The following MICAL2 variants were observed in gnomAD, a reference collection of about 807,000 sequenced individuals.
MICAL2 encodes microtubule associated monooxygenase, calponin and LIM domain containing 2, also known as [F-actin]-monooxygenase MICAL2.
MICAL2 carries 77 observed loss-of-function variants against 127.3 expected under a neutral mutation model. The observed-to-expected ratio is 0.60, with a 90% CI of 0.50 to 0.73. MICAL2 has a LOEUF of 0.73. Ranked by LOEUF, MICAL2 falls within the 30% of genes least tolerant of loss-of-function variation. The pLI is 0.00. For synonymous variants in MICAL2, 570 were observed against 551.1 expected (o/e 1.03, Z -0.48); for missense variants, 1,351 against 1,434.4 (o/e 0.94, Z 0.94).
At chr11:12,342,099 TGAA>T (rs1938876815) in intron 32 of MICAL2, among the ~76,000 whole-genome samples, 1 of 152,202 alleles carries the variant, frequency 6.6e-6, no homozygotes, top group East Asian at 1.9e-4. Context: ...CAGGAGCAAT[TGAA>T]GAGCCAGTTG....
downstream of MICAL2, among the ~76,000 whole-genome samples, chr11:12,361,770 AT>A (rs914576551): frequency 1.3e-5 from 2 of 152,352 alleles, no homozygotes; most frequent in Admixed American, 6.5e-5. Flanking sequence ...CAGGAAGCAG[AT>A]TTACAGGCTT....
At chr11:12,230,501 C>T (rs985307897) in intron 15 of MICAL2, among the ~76,000 whole-genome samples, 1 of 152,178 alleles carries the variant, frequency 6.6e-6, no homozygotes, top group African/African-American at 2.4e-5. Flanking sequence ...AATATCTGTA[C>T]ATACAGGTGC....
At chr11:12,292,703 C>T (rs1387907024), downstream of MICAL2, among the ~76,000 whole-genome samples, 2 of 152,190 alleles carry the variant, frequency 1.3e-5, no homozygotes, top group Non-Finnish European at 2.9e-5. Flanking sequence ...GCAACATCTC[C>T]CTTGAATATA....
downstream of MICAL2, among the ~76,000 whole-genome samples, chr11:12,291,221 T>G (rs1269241412): frequency 6.6e-6 from 1 of 152,104 alleles, no homozygotes; most frequent in Non-Finnish European, 1.5e-5. Flanking sequence ...GCATGGCATT[T>G]TACTGAATCA....
chr11:12,268,953 T>C (rs1356058891), intron 24 of MICAL2, among the ~76,000 whole-genome samples: 2 of 152,154 alleles, frequency 1.3e-5, no homozygotes, highest in African/African-American at 4.8e-5. Context: ...GAGCCAAGAT[T>C]GTGCCACTGC....
At chr11:12,319,751 T>G (rs780897106) in exon 30 of MICAL2, 8 of 1,614,194 alleles carry the variant, frequency 5.0e-6, no homozygotes, top group Non-Finnish European at 5.9e-6. Context: ...CTTCTGCCTC[T>G]TCAACCTCCT....
chr11:12,294,643 C>G (rs1555018633), downstream of MICAL2: 33 of 1,614,082 alleles, frequency 2.0e-5, no homozygotes, highest in Non-Finnish European at 1.7e-6. Context: ...GACTCAAAGA[C>G]AAATCTTTTG....
intron 3 of MICAL2, among the ~76,000 whole-genome samples, chr11:12,196,645 T>G (rs895311560): frequency 3.3e-5 from 5 of 152,168 alleles, no homozygotes; most frequent in African/African-American, 1.2e-4. Flanking sequence ...CTAGTTTCTT[T>G]TCTCTCTTCT....
Position 12,331,169 on chromosome 11 carries a change from G to A in MICAL2, c.5515+3903G>A, listed in dbSNP as rs1006752180. 1.4e-3 allele frequency among the ~76,000 whole-genome samples: 214 copies of A among 152,150 alleles called. 1 individual carries two copies. Among genetic ancestry groups the A allele is most frequent in the Non-Finnish European group, 8.8e-5 (6 of 68,004 alleles). On this transcript the variant is annotated intron_variant, in intron 32 of 34. Coordinates refer to the MICAL2 transcript ENST00000646065. ...ATGATGATCAGTGTTACATACTAGG[G>A]GCATGGAATACCCCAGTCTAGCAAG...
At chr11:12,161,076 C>T (rs985228855) in intron 2 of MICAL2, among the ~76,000 whole-genome samples, 3 of 152,290 alleles carry the variant, frequency 2.0e-5, no homozygotes, top group African/African-American at 7.2e-5. Flanking sequence ...GCTCAGAGAC[C>T]CCTCCAGCCC....
At chr11:12,170,556 A>C (rs1430262095) in intron 3 of MICAL2, among the ~76,000 whole-genome samples, 1 of 152,232 alleles carries the variant, frequency 6.6e-6, no homozygotes, top group East Asian at 1.9e-4. Context: ...TTCTCTTGAA[A>C]ATTTCATCAA....
At chr11:12,161,979 T>C (rs1854860273) in intron 2 of MICAL2, 100 bp from the exon 3 acceptor site, 1 of 702,208 alleles carries the variant, frequency 1.4e-6, no homozygotes, top group South Asian at 1.9e-5. Context: ...TGGTTAATAT[T>C]TGAATGTCTT....
At chr11:12,133,694 G>A (rs117561689) in intron 1 of MICAL2, among the ~76,000 whole-genome samples, 18 of 152,180 alleles carry the variant, frequency 1.2e-4, no homozygotes, top group African/African-American at 2.2e-4. Context: ...GTTGTCAGGC[G>A]TAGGCAAATC....
At chr11:12,135,438 G>A (rs1851758512) in intron 1 of MICAL2, among the ~76,000 whole-genome samples, 1 of 152,090 alleles carries the variant, frequency 6.6e-6, no homozygotes, top group Non-Finnish European at 1.5e-5. Context: ...GGCTCCAGAA[G>A]TGCCGTTACC....
At chr11:12,348,452 T>C (rs1163310636) in intron 32 of MICAL2, among the ~76,000 whole-genome samples, 2 of 152,244 alleles carry the variant, frequency 1.3e-5, no homozygotes, top group Admixed American at 6.5e-5. Context: ...TGAGCACTCA[T>C]GGATTTTGAT....
At position 12,347,703 on chromosome 11, in the gene MICAL2, A is replaced by C. The variant is rs118055390; in HGVS notation, c.5516-2135A>C. On this transcript the variant is annotated intron_variant, in intron 32 of 34. Transcript: ENST00000646065. The stretch of plus-strand genomic sequence containing the variant: ...AATACTGACATAGCATTTATATCAT[A>C]TTCAGTATTATAAATAATCTAGAAA... Among the ~76,000 whole-genome samples the C allele has an allele frequency of 5.3e-5, 8 of 152,340 alleles. No homozygotes were observed. The East Asian group carries it at 1.5e-3, about 29-fold the overall frequency.
intron 22 of MICAL2, chr11:12,252,649 G>C (rs1861706140): frequency 6.6e-6 from 1 of 152,274 alleles, no homozygotes; most frequent in African/African-American, 2.4e-5. Flanking sequence ...CTGGAAGCCA[G>C]TGAGTTAGCC....
chr11:12,231,802 C>A (rs550112503), intron 15 of MICAL2, among the ~76,000 whole-genome samples: 1 of 152,298 alleles, frequency 6.6e-6, no homozygotes, highest in South Asian at 2.1e-4. Context: ...AAGGCTGGGC[C>A]AGCACAGGGC....
chr11:12,111,359 C>T (rs1191492043), intron 1 of MICAL2, among the ~76,000 whole-genome samples: 1 of 152,192 alleles, frequency 6.6e-6, no homozygotes, highest in Admixed American at 6.5e-5. Context: ...CGCTCCAGGC[C>T]CAGGAGCACC....
Sources: allele counts gnomAD v4.1 joint callset (sites outside exome capture counted in the v4.1 genomes callset), GRCh38; gene constraint gnomAD v4.1.1; transcripts MANE v1.5; gene names NCBI Gene and HGNC (gene_info 2026-07-23, HGNC 2026-07-21).